The following CNTN5 variants were observed in gnomAD, a reference collection of about 807,000 sequenced individuals.
CNTN5 encodes the protein contactin 5.
Under a neutral mutation model 129.1 loss-of-function variants are expected in CNTN5, and 77 were observed. The ratio of observed to expected loss-of-function variants is 0.60; its 90% CI spans 0.50 to 0.72. CNTN5 has a LOEUF of 0.72. CNTN5 is among the 30% of genes least tolerant of loss of function. The pLI is 0.00. For missense variants in CNTN5, 1,478 were observed against 1,328.8 expected, an observed-to-expected ratio of 1.11 and a Z score of -1.75; for synonymous variants, 509 against 465.6, an observed-to-expected ratio of 1.09 and a Z score of -1.20.
intron 3 of CNTN5, among the ~76,000 whole-genome samples, chr11:99,701,350 A>G (rs1954510772): frequency 6.6e-6 from 1 of 151,320 alleles, no homozygotes; most frequent in Middle Eastern, 3.4e-3. Flanking sequence ...TTTGAATACT[A>G]TGAGTAAGAG....
chr11:99,526,287 T>C (rs1462195743), intron 2 of CNTN5, among the ~76,000 whole-genome samples: 2 of 152,208 alleles, frequency 1.3e-5, no homozygotes, highest in South Asian at 2.1e-4. Flanking sequence ...CACTGACTTA[T>C]ACACCTGCGT....
At chr11:99,553,066 A>G (rs903673629) in intron 2 of CNTN5, among the ~76,000 whole-genome samples, 2 of 152,196 alleles carry the variant, frequency 1.3e-5, no homozygotes, top group Non-Finnish European at 2.9e-5. Flanking sequence ...ATTGCACTCT[A>G]CTTGCAAATA....
chr11:99,302,121 A>C (rs1864669820), intron 1 of CNTN5, among the ~76,000 whole-genome samples: 1 of 151,680 alleles, frequency 6.6e-6, no homozygotes, highest in South Asian at 2.1e-4. Context: ...TTCTATATTA[A>C]AAAAGATGAA....
At chr11:99,647,992 C>A (rs1463738924) in intron 3 of CNTN5, among the ~76,000 whole-genome samples, 1 of 151,916 alleles carries the variant, frequency 6.6e-6, no homozygotes, top group African/African-American at 2.4e-5. Context: ...TTAACTTCCT[C>A]TTTCCCTATT....
At position 100,219,646 on chromosome 11, in the gene CNTN5, A is replaced by G. The variant is rs571350282; in HGVS notation, c.1885-5046A>G. Among the ~76,000 whole-genome samples the G allele has an allele frequency of 9.2e-5, 14 of 152,346 alleles. 2 individuals are homozygous for G. In the South Asian group the frequency reaches 2.9e-3, roughly 32 times the overall value. On this transcript the variant is annotated intron_variant, in intron 15 of 24. Transcript: ENST00000524871. ...TAGGACTTAAATTATTAGAATATGG[A>G]TTGAAAATTAAATATCAAGATCCCA...
chr11:100,023,438 G>A (rs143272356), intron 9 of CNTN5, among the ~76,000 whole-genome samples: 3 of 152,038 alleles, frequency 2.0e-5, no homozygotes, highest in Admixed American at 6.5e-5. Context: ...CACATTCTCA[G>A]TCTCCTCTGT....
At chr11:99,939,969 G>T (rs755374061) in intron 7 of CNTN5, among the ~76,000 whole-genome samples, 2 of 152,076 alleles carry the variant, frequency 1.3e-5, no homozygotes, top group African/African-American at 2.4e-5. Context: ...TAACCCAAAT[G>T]GTTGGCAACC....
Position 99,852,582 on chromosome 11 carries a change from A to G in CNTN5, c.577+7320A>G, listed in dbSNP as rs530981196. Among the ~76,000 whole-genome samples the G allele has an allele frequency of 1.1e-3, 161 of 152,326 alleles. No homozygotes were observed. In the Middle Eastern group the frequency reaches 0.031, roughly 29 times the overall value. On this transcript the variant is annotated intron_variant, in intron 6 of 24. Transcript: ENST00000524871. The stretch of plus-strand genomic sequence containing the variant: ...CTTTTACATAAATCATAAATTTGCA[A>G]GTTTTTTTAATTCAAGTACAACCAA...
intron 1 of CNTN5, among the ~76,000 whole-genome samples, chr11:99,130,410 G>A (rs892435261): frequency 1.3e-5 from 2 of 152,102 alleles, no homozygotes; most frequent in Non-Finnish European, 2.9e-5. Flanking sequence ...AACAAGAAAA[G>A]CTAACTATCC....
chr11:99,114,261 A>G (rs560452241), intron 1 of CNTN5, among the ~76,000 whole-genome samples: 1 of 152,154 alleles, frequency 6.6e-6, no homozygotes, highest in South Asian at 2.1e-4. Context: ...CTAAAATTGG[A>G]TTTACTGGCC....
In CNTN5 at chr11:99,861,122, A is replaced by AT. The variant is rs551988075; in HGVS notation, c.577+15868dup. On this transcript the variant is annotated intron_variant, in intron 6 of 24. Transcript: ENST00000524871. Reference sequence around the variant, plus strand: ...AGGCGCCAACCACCAAGCCTGGCTAATTTTTTTTGCATTTTTAGTACAGAC... The same window carrying AT: ...AGGCGCCAACCACCAAGCCTGGCTAATTTTTTTTTGCATTTTTAGTACAGAC... 6.8e-3 allele frequency among the ~76,000 whole-genome samples: 1,028 copies of AT among 151,314 alleles called. 17 individuals carry two copies. Among genetic ancestry groups the AT allele is most frequent in the African/African-American group, 0.024 (978 of 41,264 alleles).
intron 1 of CNTN5, among the ~76,000 whole-genome samples, chr11:99,208,073 T>C (rs1277639232): frequency 6.6e-6 from 1 of 152,198 alleles, no homozygotes; most frequent in Non-Finnish European, 1.5e-5. Flanking sequence ...ATTGACAGAA[T>C]GTTGAATGGC....
chr11:99,586,277 C>A (rs188973555), intron 3 of CNTN5, among the ~76,000 whole-genome samples: 18 of 152,200 alleles, frequency 1.2e-4, no homozygotes, highest in Admixed American at 9.8e-4. Context: ...TTGTGCTAAC[C>A]ATTGGTGAGA....
chr11:99,893,046 G>C (rs771367915), intron 6 of CNTN5, among the ~76,000 whole-genome samples: 12 of 151,930 alleles, frequency 7.9e-5, no homozygotes, highest in African/African-American at 2.9e-4. Context: ...TTTTCAGCTG[G>C]GAGTCTCAGC....
rs1565642842 is a variant in CNTN5, at chr11:99,889,331, TG to T, written c.578-26722del. On this transcript the variant is annotated intron_variant, in intron 6 of 24. Coordinates refer to ENST00000524871, the MANE Select transcript of CNTN5 (RefSeq NM_014361.4). ...GTGTGTGTGTGTGTGTGTGTGTGTG[TG>T]TGTGTGTGTGTGTGTGTGTGTGTGT... is the stretch of plus-strand genomic sequence containing the variant. Among the ~76,000 whole-genome samples, 458 of 57,260 alleles carry T rather than the reference TG, an allele frequency of 8.0e-3. 7 individuals are homozygous for T. Among genetic ancestry groups the T allele is most frequent in the African/African-American group, 0.02 (384 of 19,622 alleles). The allele number at this position is 57,260 out of a possible 152,430, so 37.6% of individuals were successfully genotyped here.
chr11:100,091,542 C>A (rs1374620685), intron 13 of CNTN5, among the ~76,000 whole-genome samples: 1 of 150,304 alleles, frequency 6.7e-6, no homozygotes, highest in African/African-American at 2.5e-5. Context: ...GATTCTCCTG[C>A]CTCAACCTCC....
At chr11:99,159,365 G>GT (rs1174135748) in intron 1 of CNTN5, among the ~76,000 whole-genome samples, 24 of 152,324 alleles carry the variant, frequency 1.6e-4, no homozygotes, top group African/African-American at 5.8e-4. Flanking sequence ...GCTCACGCCT[G>GT]TAGTCCCAGC....
At chr11:99,469,245 G>A (rs1015428513) in intron 2 of CNTN5, among the ~76,000 whole-genome samples, 5 of 152,106 alleles carry the variant, frequency 3.3e-5, no homozygotes, top group South Asian at 2.1e-4. Context: ...CAATGAATAC[G>A]AAATTTGACA....
At chr11:99,406,059 T>G (rs1318419489) in intron 2 of CNTN5, among the ~76,000 whole-genome samples, 1 of 151,972 alleles carries the variant, frequency 6.6e-6, no homozygotes, top group Non-Finnish European at 1.5e-5. Context: ...AGTCCTTTAT[T>G]TAGTTCACTT....
Sources: allele counts gnomAD v4.1 joint callset (sites outside exome capture counted in the v4.1 genomes callset), GRCh38; gene constraint gnomAD v4.1.1; transcripts MANE v1.5; gene names NCBI Gene and HGNC (gene_info 2026-07-23, HGNC 2026-07-21).